The following CACNG7 variants were observed in gnomAD, a reference collection of about 807,000 sequenced individuals.
The protein encoded by CACNG7 is voltage-dependent calcium channel gamma-7 subunit.
A neutral mutation model predicts 26.3 loss-of-function variants in CACNG7; 9 were observed. The ratio of observed to expected loss-of-function variants is 0.34; its 90% CI spans 0.21 to 0.60. CACNG7 has a LOEUF of 0.60. Among genes scored for constraint, CACNG7 ranks in the 20% least tolerant of loss-of-function variants. CACNG7 has a pLI of 0.81. For missense variants in CACNG7, 297 were observed against 380.4 expected (o/e 0.78, Z 1.82); for synonymous variants, 170 against 157.0 (o/e 1.08, Z -0.62).
Position 53,942,278 on chromosome 19 carries a change from C to T in CACNG7, c.813C>T (p.Ser271=). The T allele has an allele frequency of 6.2e-7, 1 of 1,611,826 alleles. No homozygotes were observed. Among genetic ancestry groups the T allele is most frequent in the Non-Finnish European group, 8.5e-7 (1 of 1,179,264 alleles). ...AGTACCCGGACCACCTGCACATCTCCACCTCGCCCTGCTGAGGCCCGCCCC... is the reference window on the plus strand; with the variant it reads ...AGTACCCGGACCACCTGCACATCTCTACCTCGCCCTGCTGAGGCCCGCCCC... ...AIKYPDHLHI[S]TSPC is the part of the protein sequence containing the mutation. Residue 271 remains serine (S), a synonymous_variant, in exon 6 of 6, where the codon TCC becomes TCT. Transcript: ENST00000391767. This position sits in a 1 kb window ranked among gnomAD's most constrained non-coding sequence, Gnocchi z 5.9.
At position 53,942,671 on chromosome 19, in the gene CACNG7, C is replaced by A; in HGVS notation, c.*378C>A. ...CCAGCTCCCCAGAGCTCCCCAACCT[C>A]GGACCTCACCGCAGGGGCGCTGGGC... On this transcript the variant is annotated 3_prime_UTR_variant, in exon 6 of 6. Transcript: ENST00000391767. The surrounding 1 kb of genome is among the most constrained non-coding windows in gnomAD (Gnocchi z 5.9). 1.3e-6 allele frequency: 1 copy of A among 791,544 alleles called. No individual in the cohort carries two copies. The highest frequency in any genetic ancestry group is 1.6e-6 in the Non-Finnish European group (1 of 623,562). The allele number at this position is 791,544 out of a possible 1,614,324, so 49.0% of individuals were successfully genotyped here.
At chr19:53,913,143 T>C in intron 2 of CACNG7, 116 bp downstream of exon 2, 1 of 924,598 alleles carries the variant, frequency 1.1e-6, no homozygotes, top group Non-Finnish European at 1.6e-6. Context: ...CCTGATTCTC[T>C]CCTGGAAGTT....
At position 53,915,483 on chromosome 19, in the gene CACNG7, T is replaced by C. The variant is rs778361539; in HGVS notation, c.402T>C (p.Ser134=). 6.2e-7 allele frequency: 1 copy of C among 1,614,164 alleles called. No homozygotes were observed. The highest frequency in any genetic ancestry group is 8.5e-7 in the Non-Finnish European group (1 of 1,180,028). The part of the protein sequence containing the change: ...RPQRTILAFV[S]GIFFILSGLS... ...AGAGGACCATTCTGGCTTTTGTCTC[T>C]GGCATCTTCTTCATACTATCGGGTG... Residue 134 remains serine, a synonymous_variant, in exon 4 of 6, where the codon TCT becomes TCC. Coordinates refer to ENST00000391767, the MANE Select transcript of CACNG7 (RefSeq NM_031896.5).
At chr19:53,916,545 A>G (rs1267432727) in intron 4 of CACNG7, among the ~76,000 whole-genome samples, 1 of 144,202 alleles carries the variant, frequency 6.9e-6, no homozygotes, top group Admixed American at 7.0e-5. Context: ...CTGGAGTACA[A>G]TGGCACGATC....
At chr19:53,913,695 G>A (rs1333795485) in intron 2 of CACNG7, among the ~76,000 whole-genome samples, 1 of 146,174 alleles carries the variant, frequency 6.8e-6, no homozygotes, top group Non-Finnish European at 1.5e-5. Flanking sequence ...GAGGTGGGAA[G>A]ATTGCTTGTG....
At chr19:53,936,056 C>T (rs577817316) in intron 4 of CACNG7, among the ~76,000 whole-genome samples, 12 of 148,284 alleles carry the variant, frequency 8.1e-5, no homozygotes, top group East Asian at 7.9e-4. Context: ...TTTTTTAATA[C>T]GTGGAGGATG....
intron 2 of CACNG7, 62 bp from the exon 3 acceptor site, chr19:53,914,438 C>T: frequency 6.8e-7 from 1 of 1,463,122 alleles, no homozygotes; most frequent in Non-Finnish European, 9.5e-7. Context: ...CTGCCCCCAC[C>T]CCCAGCCTCT....
chr19:53,932,744 T>TA (rs1278123646), intron 4 of CACNG7, among the ~76,000 whole-genome samples: 2 of 152,184 alleles, frequency 1.3e-5, no homozygotes, highest in African/African-American at 2.4e-5. Flanking sequence ...GCATTTTTGT[T>TA]ATGTGGAATT....
Position 53,943,485 on chromosome 19 carries a change from T to TG in CACNG7, c.*1198dup, listed in dbSNP as rs1216100782. On this transcript the variant is annotated 3_prime_UTR_variant, in exon 6 of 6. Coordinates refer to ENST00000391767, the MANE Select transcript of CACNG7 (RefSeq NM_031896.5). ...CACGGAACCAGAATGGCCCCCGGGG[T>TG]GGGGGGAGGGGGGCAGGGGAGGGAC... is the stretch of plus-strand genomic sequence containing the variant. 1.3e-4 allele frequency: 3 copies of TG among 23,298 alleles called. No individual in the cohort carries two copies. The highest frequency in any genetic ancestry group is 2.4e-4 in the Non-Finnish European group (3 of 12,344). The allele number at this position is 23,298 out of a possible 1,614,324, so 1.4% of individuals were successfully genotyped here. A position where few individuals can be genotyped will look rare whatever the true frequency, so the allele number is the denominator to read the frequency against.
chr19:53,916,402 TAG>T (rs761113522), intron 4 of CACNG7, among the ~76,000 whole-genome samples: 2 of 112,780 alleles, frequency 1.8e-5, no homozygotes, highest in Admixed American at 8.0e-5. Context: ...CAGAATTGCA[TAG>T]AGAGTTGCCC....
chr19:53,914,636 A>T, intron 3 of CACNG7, 50 bp downstream of exon 3: 1 of 1,521,846 alleles, frequency 6.6e-7, no homozygotes, highest in South Asian at 1.1e-5. Flanking sequence ...ATCACAGCCG[A>T]GTCGTGGAGT....
At chr19:53,918,931 G>A (rs1205931149) in intron 4 of CACNG7, among the ~76,000 whole-genome samples, 3 of 152,098 alleles carry the variant, frequency 2.0e-5, no homozygotes, top group African/African-American at 7.2e-5. Flanking sequence ...AGTGCACCCG[G>A]CTAATTTTTT....
intron 4 of CACNG7, among the ~76,000 whole-genome samples, chr19:53,920,084 CCCCAGGCTGGTCATTGGTGGAG>C: frequency 2.6e-5 from 3 of 115,618 alleles, no homozygotes; most frequent in Admixed American, 8.4e-5. Context: ...GGTGGAGTTG[CCCCAGGCTGGTCATTGGTGGAG>C]TTGCCCCAGG....
chr19:53,923,690 C>T (rs368820281), intron 4 of CACNG7, among the ~76,000 whole-genome samples: 3,720 of 52,828 alleles, frequency 0.07, 1 homozygote, highest in African/African-American at 0.14. Flanking sequence ...TTGTCCCAGG[C>T]CTGGTCATTG....
At chr19:53,919,261 C>T (rs1168857384) in intron 4 of CACNG7, among the ~76,000 whole-genome samples, 1 of 152,230 alleles carries the variant, frequency 6.6e-6, no homozygotes, top group East Asian at 1.9e-4. Flanking sequence ...CCTGGGGTGA[C>T]TGCCTCCTGT....
chr19:53,909,344 G>C lies in CACNG7; in HGVS notation c.-203G>C, dbSNP rs2068847409. The C allele has an allele frequency of 6.6e-6, 1 of 150,386 alleles. No homozygotes were observed. The highest frequency in any genetic ancestry group is 2.4e-5 in the African/African-American group (1 of 41,236). The allele number at this position is 150,386 out of a possible 1,614,324, so 9.3% of individuals were successfully genotyped here. On this transcript the variant is annotated 5_prime_UTR_variant, in exon 1 of 6. Transcript: ENST00000391767. This position sits in a 1 kb window ranked among gnomAD's most constrained non-coding sequence, Gnocchi z 5.1. ...TCCGCCGAGTGAGGCCGCGGCCGCG[G>C]GGGGTGGGGGGTGGGAGGCCGGGAG...
chr19:53,916,646 G>A (rs1007121819), intron 4 of CACNG7, among the ~76,000 whole-genome samples: 1 of 148,380 alleles, frequency 6.7e-6, no homozygotes, highest in Non-Finnish European at 1.5e-5. Flanking sequence ...GTGCCACTAC[G>A]CCCGGCTAAT....
At chr19:53,936,136 C>T (rs78491124) in intron 4 of CACNG7, among the ~76,000 whole-genome samples, 24 of 149,188 alleles carry the variant, frequency 1.6e-4, no homozygotes, top group Admixed American at 1.2e-3. Flanking sequence ...TTCATGTTGA[C>T]GTTTTTGAAG....
chr19:53,928,954 C>T (rs542457892), intron 4 of CACNG7, among the ~76,000 whole-genome samples: 1 of 151,644 alleles, frequency 6.6e-6, no homozygotes, highest in South Asian at 2.1e-4. Flanking sequence ...ACTAAAAATA[C>T]AAAAATTAGC....
Sources: allele counts gnomAD v4.1 joint callset (sites outside exome capture counted in the v4.1 genomes callset), GRCh38; gene constraint gnomAD v4.1.1; non-coding constraint Gnocchi (gnomAD v3.1); transcripts MANE v1.5; gene names NCBI Gene and HGNC (gene_info 2026-07-23, HGNC 2026-07-21).